The following STXBP5L variants were observed in gnomAD, a reference collection of about 807,000 sequenced individuals.
The protein encoded by STXBP5L is syntaxin-binding protein 5-like.
STXBP5L carries 65 observed loss-of-function variants against 144.5 expected under a neutral mutation model. That is an observed-to-expected ratio of 0.45 (90% CI 0.37 to 0.55). The LOEUF (loss-of-function observed/expected upper bound fraction) is 0.55. STXBP5L is among the 20% of genes least tolerant of loss of function. The pLI, the probability that STXBP5L is intolerant of heterozygous loss-of-function variation, is 0.00. For synonymous variants in STXBP5L, 505 were observed against 469.6 expected, an observed-to-expected ratio of 1.08 and a Z score of -0.97; for missense variants, 1,298 against 1,405.5, an observed-to-expected ratio of 0.92 and a Z score of 1.22.
At chr3:121,200,749 G>A (rs1037526797) in intron 9 of STXBP5L, among the ~76,000 whole-genome samples, 7 of 152,168 alleles carry the variant, frequency 4.6e-5, no homozygotes, top group African/African-American at 1.7e-4. Context: ...TTACCCAGTA[G>A]TCATTCAGGA....
chr3:121,017,550 C>G (rs543780275), intron 3 of STXBP5L, among the ~76,000 whole-genome samples: 1 of 152,234 alleles, frequency 6.6e-6, no homozygotes, highest in South Asian at 2.1e-4. Flanking sequence ...ACAGAATCAA[C>G]AAAAACACTT....
At position 121,424,541 on chromosome 3, in the gene STXBP5L, T is replaced by G. The variant is rs2047419864; in HGVS notation, c.*5444T>G. 2.6e-5 allele frequency: 4 copies of G among 152,104 alleles called. No homozygotes were observed. The South Asian group carries it at 8.4e-4, about 32-fold the overall frequency. The allele number at this position is 152,104 out of a possible 1,614,324, so 9.4% of individuals were successfully genotyped here. Reference sequence around the variant, plus strand: ...TTGTACACAGGAACAGAATCTCTAATAACCTATAATTTTTAGTACTTAATT... The same window carrying G: ...TTGTACACAGGAACAGAATCTCTAAGAACCTATAATTTTTAGTACTTAATT... On this transcript the variant is annotated 3_prime_UTR_variant, in exon 27 of 27. Transcript: ENST00000471454.
At position 121,415,832 on chromosome 3, in the gene STXBP5L, G is replaced by A. The variant is rs762088144; in HGVS notation, c.3115-25G>A. The A allele has an allele frequency of 4.6e-6, 7 of 1,530,950 alleles. No individual in the cohort carries two copies. The South Asian group carries it at 7.0e-5, about 15-fold the overall frequency. The allele number at this position is 1,530,950 out of a possible 1,614,324, so 94.8% of individuals were successfully genotyped here. A position where few individuals can be genotyped will look rare whatever the true frequency, so the allele number is the denominator to read the frequency against. Reference sequence around the variant, plus strand: ...TAATTGATTTTTTAGTTGTTCTAATGCTTTTTTCTGTGAATTTGATGCAGG... The same window carrying A: ...TAATTGATTTTTTAGTTGTTCTAATACTTTTTTCTGTGAATTTGATGCAGG... On this transcript the variant is annotated intron_variant, in intron 24 of 26. Coordinates refer to ENST00000471454, the MANE Select transcript of STXBP5L (RefSeq NM_001308330.2).
chr3:121,367,606 T>TG (rs1553778556), intron 20 of STXBP5L, among the ~76,000 whole-genome samples: 10 of 140,292 alleles, frequency 7.1e-5, no homozygotes, highest in Middle Eastern at 3.5e-3. Context: ...TTTTTTTTTT[T>TG]TTTTTTTTTT....
intron 3 of STXBP5L, among the ~76,000 whole-genome samples, chr3:120,961,731 C>T (rs971136904): frequency 1.3e-5 from 2 of 152,186 alleles, no homozygotes; most frequent in Non-Finnish European, 2.9e-5. Context: ...CCACCATAAA[C>T]ATACGTGTGC....
At chr3:121,371,827 G>T (rs972495297) in intron 20 of STXBP5L, among the ~76,000 whole-genome samples, 1 of 152,246 alleles carries the variant, frequency 6.6e-6, no homozygotes, top group Admixed American at 6.5e-5. Flanking sequence ...TGCTGCACAG[G>T]TGGGGCACAG....
At chr3:121,192,416 A>C (rs2047733603) in intron 9 of STXBP5L, among the ~76,000 whole-genome samples, 1 of 152,242 alleles carries the variant, frequency 6.6e-6, no homozygotes, top group Non-Finnish European at 1.5e-5. Context: ...TTATAGATTC[A>C]ATGCCGTCTC....
At chr3:120,978,980 G>T (rs1319483777) in intron 3 of STXBP5L, among the ~76,000 whole-genome samples, 4 of 152,126 alleles carry the variant, frequency 2.6e-5, no homozygotes, top group South Asian at 2.1e-4. Context: ...CAGTTATGCT[G>T]CTTGGGGGTC....
intron 20 of STXBP5L, among the ~76,000 whole-genome samples, chr3:121,330,167 G>A (rs759608917): frequency 1.3e-5 from 2 of 152,100 alleles, no homozygotes; most frequent in Non-Finnish European, 2.9e-5. Context: ...AAGGCTTATG[G>A]CATAGGGCAT....
intron 22 of STXBP5L, among the ~76,000 whole-genome samples, chr3:121,406,731 G>C (rs2047001167): frequency 6.6e-6 from 1 of 151,692 alleles, no homozygotes; most frequent in Admixed American, 6.6e-5. Context: ...GTTTGATTTT[G>C]AAGAAAAATC....
chr3:121,371,129 T>A (rs1260794911), intron 20 of STXBP5L, among the ~76,000 whole-genome samples: 1 of 152,246 alleles, frequency 6.6e-6, no homozygotes, highest in Non-Finnish European at 1.5e-5. Context: ...TTCTCATCTT[T>A]ATGGGCTGAT....
rs535561791 is a variant in STXBP5L, at chr3:120,997,859, C to T, written c.287+42822C>T. ...TGAAATAGAAGCAAACTGAATTCAG[C>T]GGCACATCAAAAAGCTGATCCACTA... On this transcript the variant is annotated intron_variant, in intron 3 of 26. Transcript: ENST00000471454. Among the ~76,000 whole-genome samples, 6 of 152,170 alleles carry T rather than the reference C, an allele frequency of 3.9e-5. No individual in the cohort carries two copies. The South Asian group carries it at 8.3e-4, about 21-fold the overall frequency.
At chr3:120,916,201 A>G (rs1559870216) in intron 2 of STXBP5L, among the ~76,000 whole-genome samples, 2 of 152,358 alleles carry the variant, frequency 1.3e-5, no homozygotes, top group East Asian at 3.9e-4. Context: ...ATTATTTTGA[A>G]TATAATGGTA....
chr3:120,975,016 G>A (rs1352924626), intron 3 of STXBP5L, among the ~76,000 whole-genome samples: 4 of 152,138 alleles, frequency 2.6e-5, no homozygotes, highest in Non-Finnish European at 5.9e-5. Flanking sequence ...GGATTGACTT[G>A]GCGATGCGGG....
At chr3:121,020,879 G>A (rs1183275082) in intron 3 of STXBP5L, among the ~76,000 whole-genome samples, 1 of 150,316 alleles carries the variant, frequency 6.7e-6, no homozygotes, top group Non-Finnish European at 1.5e-5. Context: ...AAGTATTCAG[G>A]CAACAAATAG....
intron 3 of STXBP5L, among the ~76,000 whole-genome samples, chr3:121,037,208 C>T (rs1946821986): frequency 1.3e-5 from 2 of 151,170 alleles, no homozygotes; most frequent in Admixed American, 1.3e-4. Context: ...ATTGGGATTC[C>T]AGAAGTGAGC....
chr3:121,313,326 G>A (rs1428357823), intron 19 of STXBP5L, among the ~76,000 whole-genome samples: 10 of 139,302 alleles, frequency 7.2e-5, no homozygotes, highest in Admixed American at 3.5e-4. Flanking sequence ...TGGACGGGGC[G>A]GCTGGCCGGG....
In STXBP5L at chr3:121,133,800, C is replaced by T. The variant is rs551773014; in HGVS notation, c.669+12096C>T. Among the ~76,000 whole-genome samples, 5 of 152,168 alleles carry T rather than the reference C, an allele frequency of 3.3e-5. No individual in the cohort carries two copies. The East Asian group carries it at 5.8e-4, about 18-fold the overall frequency. On this transcript the variant is annotated intron_variant, in intron 7 of 26. Transcript: ENST00000471454. ...GGCCTTAAGAAACTTACAATCATGGCGCAAGGCAAAGAGGAAGCAAGGCAT... is the reference window on the plus strand; with the variant it reads ...GGCCTTAAGAAACTTACAATCATGGTGCAAGGCAAAGAGGAAGCAAGGCAT...
At chr3:121,322,392 C>T (rs1474619549) in intron 20 of STXBP5L, among the ~76,000 whole-genome samples, 4 of 150,362 alleles carry the variant, frequency 2.7e-5, no homozygotes, top group Non-Finnish European at 4.4e-5. Context: ...GCAGGAGAAT[C>T]ACTTGAACCC....
Sources: allele counts gnomAD v4.1 joint callset (sites outside exome capture counted in the v4.1 genomes callset), GRCh38; gene constraint gnomAD v4.1.1; transcripts MANE v1.5; gene names NCBI Gene and HGNC (gene_info 2026-07-23, HGNC 2026-07-21).